Variants in EIPR1 observed in about 807,000 individuals in gnomAD.
EIPR1 encodes EARP and GARP complex-interacting protein 1.
EIPR1 carries 25 observed loss-of-function variants against 48.1 expected under a neutral mutation model. The ratio of observed to expected loss-of-function variants is 0.52; its 90% confidence interval spans 0.38 to 0.73. EIPR1 has a LOEUF of 0.73. EIPR1 is among the 30% of genes least tolerant of loss of function. The probability of loss-of-function intolerance (pLI) is 0.00; values close to 1 mark genes in which losing one functional copy is unlikely to be tolerated. For missense variants in EIPR1, 415 were observed against 506.2 expected (o/e 0.82, Z 1.73); for synonymous variants, 204 against 201.9 (o/e 1.01, Z -0.09).
Position 3,377,802 on chromosome 2 carries a change from G to A in EIPR1, c.-113C>T. The A allele has an allele frequency of 8.4e-7, 1 of 1,192,112 alleles. No individual in the cohort carries two copies. The highest frequency in any genetic ancestry group is 1.2e-6 in the Non-Finnish European group (1 of 846,254). 73.8% of individuals were successfully genotyped at this position (1,192,112 alleles called of 1,614,324 possible). A position where few individuals can be genotyped will look rare whatever the true frequency, so the allele number is the denominator to read the frequency against. On this transcript the variant is annotated 5_prime_UTR_variant, in exon 1 of 9. Transcript: ENST00000382125. ...AGCGCCCATTCATTCCCTCCCCGCA[G>A]CAAACGACTCCAAACTGGAAGTCTT... is the stretch of plus-strand genomic sequence containing the variant.
chr2:3,265,009 T>C (rs2103231948), intron 3 of EIPR1, among the ~76,000 whole-genome samples: 1 of 89,136 alleles, frequency 1.1e-5, no homozygotes, highest in East Asian at 4.1e-4. Context: ...TAAAAATTGG[T>C]AACTAAAATA....
chr2:3,247,154 T>C (rs1666859951), intron 4 of EIPR1, among the ~76,000 whole-genome samples: 1 of 151,658 alleles, frequency 6.6e-6, no homozygotes, highest in African/African-American at 2.4e-5. Flanking sequence ...CAAAAGCTTC[T>C]TATTATGGAT....
chr2:3,362,815 C>T (rs987821017), intron 1 of EIPR1, among the ~76,000 whole-genome samples: 2 of 152,142 alleles, frequency 1.3e-5, no homozygotes, highest in Non-Finnish European at 2.9e-5. Flanking sequence ...GCCACAGCCC[C>T]GCACGCCCCA....
chr2:3,231,933 C>A (rs764637633), intron 4 of EIPR1, among the ~76,000 whole-genome samples: 1 of 152,170 alleles, frequency 6.6e-6, no homozygotes, highest in Non-Finnish European at 1.5e-5. Context: ...TAAAATATTT[C>A]GCAGAATTCA....
chr2:3,300,699 C>T (rs1052395379), intron 3 of EIPR1, among the ~76,000 whole-genome samples: 1 of 152,128 alleles, frequency 6.6e-6, no homozygotes, highest in African/African-American at 2.4e-5. Context: ...ACACACAATG[C>T]ACTTATTTCT....
At chr2:3,303,932 T>G (rs1668836485) in intron 3 of EIPR1, among the ~76,000 whole-genome samples, 1 of 152,218 alleles carries the variant, frequency 6.6e-6, no homozygotes, top group South Asian at 2.1e-4. Context: ...TCATATAATT[T>G]GGGTTGAATA....
In EIPR1 at chr2:3,324,768, C is replaced by T. The variant is rs550052864; in HGVS notation, c.259+13249G>A. Among the ~76,000 whole-genome samples the T allele has an allele frequency of 6.6e-5, 10 of 152,340 alleles. No individual in the cohort carries two copies. The South Asian group carries it at 1.7e-3, about 25-fold the overall frequency. ...GATCCAGCCTCGTGGGCCCCGGTCA[C>T]GCCGGGGGGAGTGCAGGCGGCCTGC... On this transcript the variant is annotated intron_variant, in intron 3 of 8. Coordinates refer to ENST00000382125, the MANE Select transcript of EIPR1 (RefSeq NM_003310.5).
chr2:3,309,521 T>C (rs1343133605), intron 3 of EIPR1, among the ~76,000 whole-genome samples: 1 of 152,118 alleles, frequency 6.6e-6, no homozygotes, highest in Non-Finnish European at 1.5e-5. Flanking sequence ...GTAGTCTCAG[T>C]ATACCAATGA....
At chr2:3,297,191 C>T (rs192145872) in intron 3 of EIPR1, among the ~76,000 whole-genome samples, 242 of 152,300 alleles carry the variant, frequency 1.6e-3, no homozygotes, top group African/African-American at 5.4e-3. Context: ...AAGAAAGAGG[C>T]GTGTGGGACA....
At chr2:3,369,400 G>A (rs1446080027) in intron 1 of EIPR1, among the ~76,000 whole-genome samples, 2 of 152,192 alleles carry the variant, frequency 1.3e-5, no homozygotes, top group African/African-American at 4.8e-5. Context: ...AGTGGGTGCA[G>A]CGAACCGTGC....
chr2:3,305,870 TCTC>T (rs1668927134), intron 3 of EIPR1, among the ~76,000 whole-genome samples: 7 of 152,162 alleles, frequency 4.6e-5, no homozygotes, highest in Admixed American at 4.6e-4. Context: ...TAGGCTCTGT[TCTC>T]CTTTCTTTCC....
intron 4 of EIPR1, among the ~76,000 whole-genome samples, chr2:3,233,537 G>C (rs539711673): frequency 1.4e-4 from 21 of 152,154 alleles, no homozygotes. Flanking sequence ...GATCCCAGCC[G>C]TAACTGTGAT....
intron 3 of EIPR1, among the ~76,000 whole-genome samples, chr2:3,283,944 TAAA>T (rs59593196): frequency 8.6e-5 from 8 of 92,898 alleles, no homozygotes; most frequent in African/African-American, 1.4e-4. Context: ...AGACTACATC[TAAA>T]AAAAAAAAAA....
At chr2:3,212,037 G>C (rs748260197) in intron 5 of EIPR1, among the ~76,000 whole-genome samples, 5 of 152,182 alleles carry the variant, frequency 3.3e-5, no homozygotes, top group Admixed American at 1.3e-4. Flanking sequence ...CACCACAGAA[G>C]GCAATATCCT....
intron 3 of EIPR1, among the ~76,000 whole-genome samples, chr2:3,257,794 T>C (rs1667208257): frequency 1.3e-5 from 2 of 152,224 alleles, no homozygotes; most frequent in Admixed American, 1.3e-4. Flanking sequence ...GGACTAAAGA[T>C]ATAATCACCA....
At chr2:3,276,235 C>CA (rs994054950) in intron 3 of EIPR1, among the ~76,000 whole-genome samples, 17 of 152,116 alleles carry the variant, frequency 1.1e-4, no homozygotes, top group African/African-American at 4.1e-4. Flanking sequence ...AATGCTATAT[C>CA]AAAAAACTTC....
chr2:3,360,464 T>C (rs1670826108), intron 1 of EIPR1, among the ~76,000 whole-genome samples: 2 of 151,060 alleles, frequency 1.3e-5, no homozygotes, highest in South Asian at 4.2e-4. Context: ...CAAAGCCAAA[T>C]TTCTAGTCTG....
At chr2:3,346,233 G>A (rs981856122) in intron 2 of EIPR1, among the ~76,000 whole-genome samples, 1 of 152,238 alleles carries the variant, frequency 6.6e-6, no homozygotes, top group African/African-American at 2.4e-5. Context: ...AGACGAAACT[G>A]GCTGTGGGTT....
chr2:3,195,243 C>T (rs1051039195), intron 6 of EIPR1, among the ~76,000 whole-genome samples: 10 of 152,240 alleles, frequency 6.6e-5, no homozygotes, highest in East Asian at 3.9e-4. Flanking sequence ...CATGGCCTGG[C>T]GCTGCCCAGC....
Sources: allele counts gnomAD v4.1 joint callset (sites outside exome capture counted in the v4.1 genomes callset), GRCh38; gene constraint gnomAD v4.1.1; transcripts MANE v1.5; gene names NCBI Gene and HGNC (gene_info 2026-07-23, HGNC 2026-07-21).